VCL: variants seen among roughly 807,000 people sequenced by gnomAD.
VCL encodes the protein vinculin, also known as epididymis luminal protein 114.
Under a neutral mutation model 125.7 loss-of-function variants are expected in VCL, and 47 were observed. The ratio of observed to expected loss-of-function variants is 0.37; its 90% CI spans 0.30 to 0.48. VCL has a LOEUF of 0.48. VCL is among the 20% of genes least tolerant of loss of function. The pLI is 0.99. For synonymous variants in VCL, 458 were observed against 514.6 expected (o/e 0.89, Z 1.49); for missense variants, 1,069 against 1,455.5 (o/e 0.73, Z 4.32).
intron 21 of VCL, 21 bp from the exon 22 acceptor site, chr10:74,118,001 GA>G (rs773446829): frequency 3.1e-6 from 5 of 1,613,492 alleles, no homozygotes; most frequent in Non-Finnish European, 4.2e-6. Flanking sequence ...CTGGGTAACG[GA>G]AAGTACCTTT....
At chr10:74,066,359 A>G (rs1841570717) in intron 2 of VCL, among the ~76,000 whole-genome samples, 1 of 151,968 alleles carries the variant, frequency 6.6e-6, no homozygotes, top group African/African-American at 2.4e-5. Flanking sequence ...ACGCCTGGCC[A>G]ATTTTGGTAT....
At chr10:74,077,163 A>G (rs1240230811) in intron 6 of VCL, 2 of 152,682 alleles carry the variant, frequency 1.3e-5, no homozygotes, top group Non-Finnish European at 2.9e-5. Flanking sequence ...GGTAAATTAA[A>G]TTAGCTCAAC....
At chr10:74,042,525 T>C (rs1841113584) in intron 1 of VCL, among the ~76,000 whole-genome samples, 1 of 152,226 alleles carries the variant, frequency 6.6e-6, no homozygotes, top group Admixed American at 6.5e-5. Flanking sequence ...GCATTCAGCA[T>C]TATATATTCT....
intron 16 of VCL, among the ~76,000 whole-genome samples, chr10:74,106,447 G>T (rs546365410): frequency 2.1e-4 from 32 of 152,272 alleles, no homozygotes; most frequent in African/African-American, 6.5e-4. Flanking sequence ...TACACCTAAA[G>T]AAAATCTGGG....
intron 1 of VCL, among the ~76,000 whole-genome samples, chr10:74,001,943 T>G (rs1256942725): frequency 3.9e-5 from 6 of 152,188 alleles, no homozygotes; most frequent in Non-Finnish European, 7.3e-5. Flanking sequence ...CTCAACTACT[T>G]CATTTACTGT....
intron 1 of VCL, among the ~76,000 whole-genome samples, chr10:74,036,359 C>A (rs555312840): frequency 6.6e-6 from 1 of 151,968 alleles, no homozygotes; most frequent in Non-Finnish European, 1.5e-5. Flanking sequence ...CCCACCATCA[C>A]GCCCGGCCAA....
intron 8 of VCL, among the ~76,000 whole-genome samples, chr10:74,086,452 A>G (rs1192966252): frequency 6.6e-6 from 1 of 152,232 alleles, no homozygotes; most frequent in African/African-American, 2.4e-5. Flanking sequence ...CTCTGTCATG[A>G]GCATGGTAAG....
intron 1 of VCL, among the ~76,000 whole-genome samples, chr10:74,016,541 C>G (rs1040386415): frequency 6.6e-6 from 1 of 151,882 alleles, no homozygotes; most frequent in Non-Finnish European, 1.5e-5. Context: ...AGCTGGAGAT[C>G]GTGCCACTGC....
intron 2 of VCL, among the ~76,000 whole-genome samples, chr10:74,070,081 G>A (rs984760748): frequency 6.6e-6 from 1 of 152,100 alleles, no homozygotes; most frequent in Non-Finnish European, 1.5e-5. Context: ...CTAGATGAAT[G>A]AGTGAGAAAT....
At position 74,004,709 on chromosome 10, in the gene VCL, CT is replaced by C. The variant is rs576904532; in HGVS notation, c.168+6347del. Among the ~76,000 whole-genome samples the C allele has an allele frequency of 1.6e-3, 227 of 145,088 alleles. 5 individuals carry two copies. Among genetic ancestry groups the C allele is most frequent in the African/African-American group, 2.0e-3 (81 of 39,982 alleles). On this transcript the variant is annotated intron_variant, in intron 1 of 21. Coordinates refer to ENST00000211998, the MANE Select transcript of VCL (RefSeq NM_014000.3). ...AATTTCATAGCATTTCTTTTCTTTT[CT>C]TTTTTTTTTTTTGAGACGGAGTCTC...
chr10:74,111,846 C>T, intron 18 of VCL, 63 bp from the exon 19 acceptor site: 2 of 1,597,090 alleles, frequency 1.3e-6, no homozygotes, highest in South Asian at 1.1e-5. Flanking sequence ...AGCCCAGTTT[C>T]CCAAGTCGTA....
rs551356683 is a variant in VCL at position 74,052,657 on chromosome 10, G to C, written c.239+9504G>C. ...CTACCAAAGTGCTGAAATTACAGGC[G>C]TGAGCCACCGTGCTTGGCCCTTCAG... is the stretch of plus-strand genomic sequence containing the variant. On this transcript the variant is annotated intron_variant, in intron 2 of 21. Coordinates refer to ENST00000211998, the MANE Select transcript of VCL (RefSeq NM_014000.3). 7.2e-5 allele frequency among the ~76,000 whole-genome samples: 11 copies of C among 152,002 alleles called. No homozygotes were observed. The East Asian group carries it at 2.1e-3, about 29-fold the overall frequency.
At chr10:74,082,046 C>T (rs1242304081) in intron 6 of VCL, among the ~76,000 whole-genome samples, 2 of 152,160 alleles carry the variant, frequency 1.3e-5, no homozygotes, top group Non-Finnish European at 2.9e-5. Context: ...GCACCACATA[C>T]TAACGAGGCT....
chr10:74,003,095 TAG>T (rs1239120867), intron 1 of VCL, among the ~76,000 whole-genome samples: 1 of 151,722 alleles, frequency 6.6e-6, no homozygotes. Context: ...TATCTTGAGA[TAG>T]AGTCTCACTG....
At chr10:74,096,373 A>G (rs551817099) in intron 12 of VCL, among the ~76,000 whole-genome samples, 1 of 152,206 alleles carries the variant, frequency 6.6e-6, no homozygotes, top group East Asian at 1.9e-4. Flanking sequence ...ATAAATAAAT[A>G]AATGAAAGAA....
intron 8 of VCL, among the ~76,000 whole-genome samples, chr10:74,087,546 G>A (rs1328613165): frequency 7.4e-6 from 1 of 134,324 alleles, no homozygotes; most frequent in East Asian, 2.2e-4. Context: ...ATTTTTAGTA[G>A]AGACGGGGTT....
intron 9 of VCL, 119 bp from the exon 10 acceptor site, chr10:74,089,904 A>G: frequency 8.8e-7 from 1 of 1,135,648 alleles, no homozygotes; most frequent in Non-Finnish European, 1.3e-6. Context: ...AAAGATCAGA[A>G]TTATAAAAAT....
In VCL at chr10:74,097,358, TCTGTCAGC is replaced by T. The variant is rs768129898; in HGVS notation, c.1872+31_1872+38del. Reference sequence around the variant, plus strand: ...GTGGGTATCTGAGGTCTTCCATTTTTCTGTCAGCCTGTGCTATAGGTATATGTAAAGGT... The same window carrying T: ...GTGGGTATCTGAGGTCTTCCATTTTTCTGTGCTATAGGTATATGTAAAGGT... On this transcript the variant is annotated intron_variant, in intron 13 of 21. Coordinates refer to ENST00000211998, the MANE Select transcript of VCL (RefSeq NM_014000.3). The surrounding 1 kb of genome is among the most constrained non-coding windows in gnomAD (Gnocchi z 4.1). 1.2e-6 allele frequency: 2 copies of T among 1,609,378 alleles called. No homozygotes were observed. The highest frequency in any genetic ancestry group is 2.7e-5 in the African/African-American group (2 of 74,858).
chr10:74,013,201 C>G (rs1290417347), intron 1 of VCL, among the ~76,000 whole-genome samples: 2 of 152,136 alleles, frequency 1.3e-5, no homozygotes, highest in African/African-American at 4.8e-5. Context: ...AAATATATAT[C>G]AGGCTGTGGT....
Sources: allele counts gnomAD v4.1 joint callset (sites outside exome capture counted in the v4.1 genomes callset), GRCh38; gene constraint gnomAD v4.1.1; non-coding constraint Gnocchi (gnomAD v3.1); transcripts MANE v1.5; gene names NCBI Gene and HGNC (gene_info 2026-07-23, HGNC 2026-07-21).